RIPOR2: variants seen among roughly 807,000 people sequenced by gnomAD.
The protein encoded by RIPOR2 is rho family-interacting cell polarization regulator 2.
RIPOR2 carries 39 observed loss-of-function variants against 114.5 expected under a neutral mutation model. That is an observed-to-expected ratio of 0.34 (90% confidence interval 0.26 to 0.44). The LOEUF is 0.44. Ranked by LOEUF, RIPOR2 falls within the 20% of genes least tolerant of loss-of-function variation. The pLI, the probability that RIPOR2 is intolerant of heterozygous loss-of-function variation, is 1.00. For missense variants in RIPOR2, 1,007 were observed against 1,255.1 expected, an observed-to-expected ratio of 0.80 and a Z score of 2.99; for synonymous variants, 445 against 484.4, an observed-to-expected ratio of 0.92 and a Z score of 1.07.
In RIPOR2 at chr6:24,933,757, A is replaced by AATGGGT. The variant is rs1221334732; in HGVS notation, c.61+2080_61+2081insACCCAT. Among the ~76,000 whole-genome samples, 3 of 152,202 alleles carry AATGGGT rather than the reference A, an allele frequency of 2.0e-5. 1 individual carries two copies. The highest frequency in any genetic ancestry group is 7.2e-5 in the African/African-American group (3 of 41,460). ...AGCTTGTATGGGTACCACGAAGCAG[A>AATGGGT]ACCAGAATCTGAGTCTGAATCTCGT... is the stretch of plus-strand genomic sequence containing the variant. On this transcript the variant is annotated intron_variant, in intron 1 of 21. Transcript: ENST00000643898.
intron 1 of RIPOR2, among the ~76,000 whole-genome samples, chr6:24,879,041 C>G (rs1766089988): frequency 2.2e-5 from 3 of 138,552 alleles, no homozygotes; most frequent in Admixed American, 7.3e-5. Context: ...TGCTCAGAAA[C>G]TTTTCATTAA....
In RIPOR2 at chr6:24,954,185, C is replaced by T. The variant is rs1193002602; in HGVS notation, c.77-78368G>A. ...GGTAACTTGGACTCAACAGAAGCAC[C>T]TGAGGATGCTCAGAGGCAGGCTGGT... On this transcript the variant is annotated intron_variant, in intron 1 of 13. Coordinates refer to the RIPOR2 transcript ENST00000510784. 5.9e-5 allele frequency among the ~76,000 whole-genome samples: 9 copies of T among 152,336 alleles called. No individual in the cohort carries two copies. The East Asian group carries it at 1.3e-3, about 23-fold the overall frequency.
chr6:25,024,080 G>C, intron 1 of RIPOR2: 1 of 774,952 alleles, frequency 1.3e-6, no homozygotes, highest in Non-Finnish European at 2.4e-6. Flanking sequence ...CCCTTTATCT[G>C]GGGGACCAGC....
chr6:24,938,321 A>G (rs957142561), upstream of RIPOR2, among the ~76,000 whole-genome samples: 3 of 152,178 alleles, frequency 2.0e-5, no homozygotes, highest in Non-Finnish European at 4.4e-5. Flanking sequence ...GCTAGGGGAG[A>G]GGCCTGCAAG....
chr6:24,965,748 C>G (rs1057324671), intron 1 of RIPOR2, among the ~76,000 whole-genome samples: 1 of 152,102 alleles, frequency 6.6e-6, no homozygotes, highest in Non-Finnish European at 1.5e-5. Context: ...ATACACAAAA[C>G]AAATGTGTAG....
Position 24,806,365 on chromosome 6 carries a change from A to G in RIPOR2, c.*8T>C, listed in dbSNP as rs761711347. The G allele has an allele frequency of 7.2e-6, 11 of 1,527,140 alleles. No individual in the cohort carries two copies. The South Asian group carries it at 1.2e-4, about 17-fold the overall frequency. The allele number at this position is 1,527,140 out of a possible 1,614,324, so 94.6% of individuals were successfully genotyped here. A position where few individuals can be genotyped will look rare whatever the true frequency, so the allele number is the denominator to read the frequency against. On this transcript the variant is annotated 3_prime_UTR_variant, in exon 22 of 22. Coordinates refer to ENST00000643898, the MANE Select transcript of RIPOR2 (RefSeq NM_001286445.3). ...TATTAAGACAGCTGTTAGGCAGTTA[A>G]CCTGTAATTAAAAGGCTGTGGCAAC...
Position 24,843,273 on chromosome 6 carries a change from T to G in RIPOR2, c.1446A>C (p.Glu482Asp). The G allele has an allele frequency of 6.2e-7, 1 of 1,614,028 alleles. No homozygotes were observed. The highest frequency in any genetic ancestry group is 1.1e-5 in the South Asian group (1 of 91,084). ...CAGGTTTTCTGGGCTCCTCTGGGTC[T>G]TCCTCCTTCAGGTGTGACTTTGGCT... ...GQEPKSHLKE[E>D]DPEEPRKPAS... Residue 482 changes from glutamate to aspartate, a missense_variant, in exon 13 of 22, where the codon GAA (glutamate) becomes GAC (aspartate). Coordinates refer to ENST00000643898, the MANE Select transcript of RIPOR2 (RefSeq NM_001286445.3).
chr6:24,935,055 CCCAGCACTTTGGGG>C (rs1771667521), intron 1 of RIPOR2, among the ~76,000 whole-genome samples: 1 of 152,110 alleles, frequency 6.6e-6, no homozygotes, highest in Non-Finnish European at 1.5e-5. Context: ...CGCCTGTAAT[CCCAGCACTTTGGGG>C]GGCCAAGGAG....
At chr6:24,998,737 G>A (rs1312859316) in intron 1 of RIPOR2, among the ~76,000 whole-genome samples, 2 of 152,312 alleles carry the variant, frequency 1.3e-5, no homozygotes, top group South Asian at 4.1e-4. Context: ...AAGACAGGCT[G>A]CTGTTATTTG....
Position 25,019,643 on chromosome 6 carries a change from A to T in RIPOR2, c.76+22208T>A, listed in dbSNP as rs554031368. ...CAAAAAGTTAGCCGGGCGTGGTGGC[A>T]CGTGCCTGTAAGTCCTGGCTACTTG... On this transcript the variant is annotated intron_variant, in intron 1 of 13. Coordinates refer to the RIPOR2 transcript ENST00000510784. 1.6e-4 allele frequency among the ~76,000 whole-genome samples: 25 copies of T among 151,558 alleles called. No homozygotes were observed. The South Asian group carries it at 4.8e-3, about 29-fold the overall frequency.
At chr6:24,843,586 C>A in intron 12 of RIPOR2, 32 bp from the exon 13 acceptor site, 1 of 1,391,894 alleles carries the variant, frequency 7.2e-7, no homozygotes, top group Non-Finnish European at 9.6e-7. Flanking sequence ...TTATTATTTT[C>A]AATACAAATG....
rs190810873 is a variant in RIPOR2 at position 24,805,339 on chromosome 6, A to G, written c.*1034T>C. ...CTTATCATTTTTCCATAATGGAAAC[A>G]TGATTTGGGAATTTTCAGGATGGGG... On this transcript the variant is annotated 3_prime_UTR_variant, in exon 22 of 22. Coordinates refer to ENST00000643898, the MANE Select transcript of RIPOR2 (RefSeq NM_001286445.3). 149 of 151,970 alleles carry G rather than the reference A, an allele frequency of 9.8e-4. No individual in the cohort carries two copies. Among genetic ancestry groups the G allele is most frequent in the African/African-American group, 3.4e-3 (139 of 41,484 alleles). The allele number at this position is 151,970 out of a possible 1,614,324, so 9.4% of individuals were successfully genotyped here. A position where few individuals can be genotyped will look rare whatever the true frequency, so the allele number is the denominator to read the frequency against.
intron 9 of RIPOR2, 42 bp from the exon 10 acceptor site, chr6:24,850,764 C>G (rs374074436): frequency 8.9e-5 from 143 of 1,610,318 alleles, no homozygotes; most frequent in Non-Finnish European, 1.2e-4. Flanking sequence ...CTTGCCACCC[C>G]CTCTTCTCCA....
chr6:24,827,736 T>A (rs1760314681), intron 18 of RIPOR2, among the ~76,000 whole-genome samples: 2 of 152,194 alleles, frequency 1.3e-5, no homozygotes, highest in Non-Finnish European at 2.9e-5. Context: ...CTTCCCACCA[T>A]GTTACCTACC....
At position 24,804,284 on chromosome 6, in the gene RIPOR2, T is replaced by G. The variant is rs758040130; in HGVS notation, c.*2089A>C. 1.3e-5 allele frequency: 2 copies of G among 152,166 alleles called. No homozygotes were observed. The highest frequency in any genetic ancestry group is 2.9e-5 in the Non-Finnish European group (2 of 68,024). The allele number at this position is 152,166 out of a possible 1,614,324, so 9.4% of individuals were successfully genotyped here. Reference sequence around the variant, plus strand: ...AAAAATAACATCAGACTGCACATGATGCTAGTAATTCAAAAATAATTTTTA... The same window carrying G: ...AAAAATAACATCAGACTGCACATGAGGCTAGTAATTCAAAAATAATTTTTA... On this transcript the variant is annotated 3_prime_UTR_variant, in exon 22 of 22. Coordinates refer to ENST00000643898, the MANE Select transcript of RIPOR2 (RefSeq NM_001286445.3).
At chr6:24,867,392 G>A (rs1223966994) in intron 6 of RIPOR2, among the ~76,000 whole-genome samples, 2 of 152,210 alleles carry the variant, frequency 1.3e-5, no homozygotes, top group Non-Finnish European at 2.9e-5. Context: ...GCTGGGCCAG[G>A]AATCTGAAAT....
intron 1 of RIPOR2, among the ~76,000 whole-genome samples, chr6:25,019,708 G>A (rs1467802095): frequency 2.7e-5 from 4 of 145,962 alleles, no homozygotes. Context: ...CTGGGAGGCG[G>A]AGGTTGTAGT....
intron 1 of RIPOR2, among the ~76,000 whole-genome samples, chr6:25,027,549 G>C (rs1370758285): frequency 1.3e-5 from 2 of 152,236 alleles, no homozygotes; most frequent in Non-Finnish European, 2.9e-5. Context: ...AACCGGCCTC[G>C]TGGTGGCCAT....
chr6:24,975,289 T>C (rs1773992068), intron 1 of RIPOR2, among the ~76,000 whole-genome samples: 1 of 152,154 alleles, frequency 6.6e-6, no homozygotes, highest in Admixed American at 6.5e-5. Context: ...TAACAGAGAA[T>C]GGGAAATATA....
Sources: allele counts gnomAD v4.1 joint callset (sites outside exome capture counted in the v4.1 genomes callset), GRCh38; gene constraint gnomAD v4.1.1; transcripts MANE v1.5; gene names NCBI Gene and HGNC (gene_info 2026-07-23, HGNC 2026-07-21).